The following ZFPM2 variants were observed in gnomAD, a reference collection of about 807,000 sequenced individuals.
ZFPM2 encodes the protein zinc finger protein, FOG family member 2.
Under a neutral mutation model 98.6 loss-of-function variants are expected in ZFPM2, and 20 were observed. The ratio of observed to expected loss-of-function variants is 0.20; its 90% CI spans 0.14 to 0.29. The LOEUF is 0.29. Among genes scored for constraint, ZFPM2 ranks in the 10% least tolerant of loss-of-function variants. The pLI is 1.00. For missense variants in ZFPM2, 1,310 were observed against 1,388.6 expected, an observed-to-expected ratio of 0.94 and a Z score of 0.90; for synonymous variants, 518 against 502.7, an observed-to-expected ratio of 1.03 and a Z score of -0.41.
At chr8:105,705,425 A>AT (rs1009331624) in intron 5 of ZFPM2, among the ~76,000 whole-genome samples, 21 of 152,228 alleles carry the variant, frequency 1.4e-4, no homozygotes, top group Admixed American at 1.4e-3. Flanking sequence ...TAAATCCATC[A>AT]TTTTTTCTTA....
chr8:105,598,687 TG>T (rs1563736970), intron 4 of ZFPM2, among the ~76,000 whole-genome samples: 15 of 152,280 alleles, frequency 9.9e-5, no homozygotes, highest in African/African-American at 3.4e-4. Flanking sequence ...TTTGCCTCCT[TG>T]TTCCTACATT....
At chr8:105,403,247 T>A (rs1010987465) in intron 1 of ZFPM2, among the ~76,000 whole-genome samples, 3 of 152,102 alleles carry the variant, frequency 2.0e-5, no homozygotes, top group African/African-American at 2.4e-5. Flanking sequence ...TCTATTTAGT[T>A]AAATGTAAAC....
chr8:105,803,689 C>A lies in ZFPM2; in HGVS notation c.*151C>A. ...GAAGACTTAAGGTGTAATTTCATTA[C>A]AGTCCATTAGTAAAGTGTATTATTG... is the stretch of plus-strand genomic sequence containing the variant. On this transcript the variant is annotated 3_prime_UTR_variant, in exon 8 of 8. Coordinates refer to ENST00000407775, the MANE Select transcript of ZFPM2 (RefSeq NM_012082.4). 2.7e-6 allele frequency: 2 copies of A among 734,452 alleles called. No individual in the cohort carries two copies. The highest frequency in any genetic ancestry group is 4.4e-6 in the Non-Finnish European group (2 of 453,920). The allele number at this position is 734,452 out of a possible 1,614,324, so 45.5% of individuals were successfully genotyped here.
intron 1 of ZFPM2, among the ~76,000 whole-genome samples, chr8:105,404,735 G>A (rs1486817753): frequency 6.6e-6 from 1 of 151,992 alleles, no homozygotes; most frequent in Non-Finnish European, 1.5e-5. Context: ...GAAAGATTCA[G>A]TAGCTGTGTG....
chr8:105,558,427 T>C (rs1271044019), intron 3 of ZFPM2, among the ~76,000 whole-genome samples: 1 of 152,184 alleles, frequency 6.6e-6, no homozygotes, highest in African/African-American at 2.4e-5. Flanking sequence ...ATTGACTTGA[T>C]ATTTTGAACA....
rs113857461 is a variant in ZFPM2, at chr8:105,514,164, G to A, written c.302-47199G>A. ...ATTACAGGTCCCCACCATCACACGCGTCTAAATTTTGTATTTTTAGTAGAG... is the reference window on the plus strand; with the variant it reads ...ATTACAGGTCCCCACCATCACACGCATCTAAATTTTGTATTTTTAGTAGAG... On this transcript the variant is annotated intron_variant, in intron 3 of 7. Transcript: ENST00000407775. Among the ~76,000 whole-genome samples, 285 of 151,916 alleles carry A rather than the reference G, an allele frequency of 1.9e-3. 1 individual carries two copies. The highest frequency in any genetic ancestry group is 5.8e-3 in the South Asian group (28 of 4,810).
intron 1 of ZFPM2, among the ~76,000 whole-genome samples, chr8:105,338,916 G>A (rs1483298570): frequency 6.6e-6 from 1 of 151,810 alleles, no homozygotes; most frequent in Non-Finnish European, 1.5e-5. Flanking sequence ...TCCCCTGGGT[G>A]CTTCCTTAAT....
intron 5 of ZFPM2, among the ~76,000 whole-genome samples, chr8:105,785,973 C>T: frequency 7.2e-6 from 1 of 139,068 alleles, no homozygotes; most frequent in African/African-American, 2.7e-5. Flanking sequence ...AACCCAGAGG[C>T]AGAGCTTGCA....
At chr8:105,341,272 T>C (rs1225461189) in intron 1 of ZFPM2, among the ~76,000 whole-genome samples, 1 of 151,950 alleles carries the variant, frequency 6.6e-6, no homozygotes, top group Non-Finnish European at 1.5e-5. Context: ...TTTTCAGACA[T>C]GTCATTTATT....
chr8:105,618,913 G>A (rs1816473940), intron 4 of ZFPM2, among the ~76,000 whole-genome samples: 1 of 151,764 alleles, frequency 6.6e-6, no homozygotes, highest in Non-Finnish European at 1.5e-5. Context: ...TATTCATCTT[G>A]GTTATATTTC....
chr8:105,390,811 A>G (rs1288057089), intron 1 of ZFPM2, among the ~76,000 whole-genome samples: 2 of 152,208 alleles, frequency 1.3e-5, no homozygotes, highest in Non-Finnish European at 2.9e-5. Context: ...TTAACATTCT[A>G]GCTTAAATTG....
intron 3 of ZFPM2, among the ~76,000 whole-genome samples, chr8:105,509,947 T>TA (rs570047414): frequency 1.1e-3 from 161 of 152,314 alleles, no homozygotes; most frequent in African/African-American, 3.8e-3. Context: ...ATCACACTGA[T>TA]ACGGTTAGCA....
At chr8:105,660,782 C>T (rs1299397291) in intron 5 of ZFPM2, among the ~76,000 whole-genome samples, 1 of 152,136 alleles carries the variant, frequency 6.6e-6, no homozygotes. Context: ...CTCCTTAAAA[C>T]GTAGGTATCT....
intron 1 of ZFPM2, among the ~76,000 whole-genome samples, chr8:105,365,731 C>A (rs1443007871): frequency 6.6e-6 from 1 of 152,120 alleles, no homozygotes; most frequent in Admixed American, 6.6e-5. Context: ...AGAATGGCCT[C>A]CCATCAAGAC....
At chr8:105,362,384 C>T (rs529636633) in intron 1 of ZFPM2, among the ~76,000 whole-genome samples, 1 of 151,906 alleles carries the variant, frequency 6.6e-6, no homozygotes, top group South Asian at 2.1e-4. Flanking sequence ...ACAGCTAATA[C>T]TGATTGTATT....
chr8:105,398,434 C>T (rs767041702), intron 1 of ZFPM2, among the ~76,000 whole-genome samples: 14 of 152,220 alleles, frequency 9.2e-5, no homozygotes, highest in East Asian at 1.9e-4. Flanking sequence ...TTTTGCTAAA[C>T]GATGATTTTT....
chr8:105,453,765 C>T (rs1412083351), intron 3 of ZFPM2, among the ~76,000 whole-genome samples: 4 of 152,054 alleles, frequency 2.6e-5, no homozygotes, highest in East Asian at 1.9e-4. Flanking sequence ...CGTCAGCCTC[C>T]CTAGTGCGCC....
chr8:105,758,611 A>G (rs1327857591), intron 5 of ZFPM2, among the ~76,000 whole-genome samples: 1 of 152,062 alleles, frequency 6.6e-6, no homozygotes, highest in East Asian at 1.9e-4. Flanking sequence ...TTTTTAACAG[A>G]AAACTTATTG....
chr8:105,704,840 C>T (rs1211578464), intron 5 of ZFPM2, among the ~76,000 whole-genome samples: 1 of 152,142 alleles, frequency 6.6e-6, no homozygotes, highest in Non-Finnish European at 1.5e-5. Flanking sequence ...ATGAGGTTTC[C>T]TTCTTGACCA....
Sources: gnomAD v4.1 joint callset for allele counts (sites outside exome capture counted in the v4.1 genomes callset) on GRCh38, gnomAD v4.1.1 for gene constraint, MANE v1.5 for transcripts, NCBI Gene and HGNC (gene_info 2026-07-23, HGNC 2026-07-21) for gene names.